Variants in TTYH3 observed in about 807,000 individuals in gnomAD.
The protein encoded by TTYH3 is tweety family member 3, also known as protein tweety homolog 3.
In TTYH3, 23 loss-of-function variants were observed where a neutral mutation model predicts 68.2. The observed-to-expected ratio is 0.34, with a 90% CI of 0.24 to 0.48. The LOEUF (loss-of-function observed/expected upper bound fraction) is 0.48. TTYH3 is among the 20% of genes least tolerant of loss of function. TTYH3 has a pLI of 0.99. For synonymous variants in TTYH3, 360 were observed against 332.8 expected, an observed-to-expected ratio of 1.08 and a Z score of -0.89; for missense variants, 768 against 727.7, an observed-to-expected ratio of 1.06 and a Z score of -0.64.
Position 2,647,218 on chromosome 7 carries a change from C to A in TTYH3, c.370C>A (p.His124Asn), listed in dbSNP as rs1380366741. 8 of 1,602,168 alleles carry A rather than the reference C, an allele frequency of 5.0e-6. No homozygotes were observed. The highest frequency in any genetic ancestry group is 2.2e-5 in the East Asian group (1 of 44,452). ...CCATAGGGCCACCTACTCGCTCCGC[C>A]ACGCCAACCGCACGGTGGCCGGGGT... ...GIHRATYSLRHANRTVAGVQD... is the reference protein window; with the variant it reads ...GIHRATYSLRNANRTVAGVQD... The change falls in exon 3 of 14, where the codon CAC becomes AAC. Residue 124 changes from histidine (H) to asparagine (N), a missense_variant. Coordinates refer to ENST00000258796, the MANE Select transcript of TTYH3 (RefSeq NM_025250.3).
chr7:2,637,832 C>T (rs569920888), intron 1 of TTYH3, among the ~76,000 whole-genome samples: 31 of 152,300 alleles, frequency 2.0e-4, no homozygotes, highest in African/African-American at 7.5e-4. Flanking sequence ...GGGGGCTTCT[C>T]ACAGTCTTGG....
At chr7:2,649,302 G>A (rs1037273581) in intron 5 of TTYH3, among the ~76,000 whole-genome samples, 1 of 152,122 alleles carries the variant, frequency 6.6e-6, no homozygotes, top group Non-Finnish European at 1.5e-5. Flanking sequence ...CTGGGGGACA[G>A]GAGGGGCGGG....
At chr7:2,634,164 G>A (rs1012644772) in intron 1 of TTYH3, among the ~76,000 whole-genome samples, 14 of 152,178 alleles carry the variant, frequency 9.2e-5, no homozygotes, top group African/African-American at 2.4e-4. Flanking sequence ...ATCCCCCGCC[G>A]CCTCCACTCC....
At position 2,661,887 on chromosome 7, in the gene TTYH3, C is replaced by T. The variant is rs1297984787; in HGVS notation, c.*148C>T. ...TGCAGGCCGCTTGCCCTCCTGTCCCCTCCCCGCAGGGGCACAGTGGAGACG... is the reference window on the plus strand; with the variant it reads ...TGCAGGCCGCTTGCCCTCCTGTCCCTTCCCCGCAGGGGCACAGTGGAGACG... On this transcript the variant is annotated 3_prime_UTR_variant, in exon 14 of 14. Coordinates refer to ENST00000258796, the MANE Select transcript of TTYH3 (RefSeq NM_025250.3). 2.4e-6 allele frequency: 2 copies of T among 845,460 alleles called. No homozygotes were observed. Among genetic ancestry groups the T allele is most frequent in the South Asian group, 3.2e-5 (2 of 62,012 alleles). 52.4% of individuals were successfully genotyped at this position (845,460 alleles called of 1,614,324 possible).
At chr7:2,634,354 C>A (rs1019281306) in intron 1 of TTYH3, among the ~76,000 whole-genome samples, 1 of 152,196 alleles carries the variant, frequency 6.6e-6, no homozygotes, top group African/African-American at 2.4e-5. Flanking sequence ...GGGCCAGGAG[C>A]CCCCTTCCTG....
intron 1 of TTYH3, among the ~76,000 whole-genome samples, chr7:2,642,422 G>A (rs1042878449): frequency 1.3e-5 from 2 of 151,206 alleles, no homozygotes; most frequent in Non-Finnish European, 2.9e-5. Context: ...CATGCCTCTA[G>A]TCCCAGCTAC....
At chr7:2,635,075 C>A (rs1785622344) in intron 1 of TTYH3, among the ~76,000 whole-genome samples, 1 of 152,174 alleles carries the variant, frequency 6.6e-6, no homozygotes, top group Non-Finnish European at 1.5e-5. Context: ...GCTGCCTGAG[C>A]ATCTGAGTGA....
intron 2 of TTYH3, 44 bp downstream of exon 2, chr7:2,647,066 C>T (rs1185360300): frequency 5.8e-6 from 5 of 864,734 alleles, no homozygotes; most frequent in South Asian, 1.6e-5. Flanking sequence ...CCAGAGGGGG[C>T]GGCCCGAGGG....
At chr7:2,639,462 C>A (rs1486777915) in intron 1 of TTYH3, among the ~76,000 whole-genome samples, 1 of 152,248 alleles carries the variant, frequency 6.6e-6, no homozygotes, top group Non-Finnish European at 1.5e-5. Flanking sequence ...CCTCCCACAG[C>A]CTCCGAGCTC....
chr7:2,646,813 G>T, intron 1 of TTYH3, 40 bp from the exon 2 acceptor site: 1 of 1,568,678 alleles, frequency 6.4e-7, no homozygotes, highest in African/African-American at 1.3e-5. Context: ...CTCTGAGCTG[G>T]GGGTCCACCC....
At chr7:2,644,704 G>T (rs1785935477) in intron 1 of TTYH3, among the ~76,000 whole-genome samples, 1 of 152,210 alleles carries the variant, frequency 6.6e-6, no homozygotes, top group Non-Finnish European at 1.5e-5. Context: ...ATTGCTGGCT[G>T]CTGGGCAGCC....
chr7:2,658,295 T>A lies in TTYH3; in HGVS notation c.1260T>A (p.Asp420Glu). ...GTGTCCCTCCTCACAGAGGCCCTGA[T>A]GAGGACGGGGAGGAGGAGGCCGCTC... ...PHTWQQKRGP[D>E]EDGEEEAAPG... The change falls in exon 12 of 14, where the codon GAT becomes GAA. Residue 420 changes from aspartate (D) to glutamate (E), a missense_variant. By Grantham distance (45) the Asp-to-Glu change is conservative. Transcript: ENST00000258796. The A allele has an allele frequency of 6.3e-7, 1 of 1,579,278 alleles. No homozygotes were observed. Among genetic ancestry groups the A allele is most frequent in the East Asian group, 2.3e-5 (1 of 43,908 alleles).
intron 8 of TTYH3, 104 bp from the exon 9 acceptor site, chr7:2,652,814 C>T (rs537657082): frequency 1.1e-5 from 10 of 910,348 alleles, no homozygotes; most frequent in Non-Finnish European, 1.7e-5. Flanking sequence ...TGATGGTCTC[C>T]CAGGCTGGAC....
In TTYH3 at chr7:2,656,390, G is replaced by A. The variant is rs1562718659; in HGVS notation, c.1114-8G>A. Reference sequence around the variant, plus strand: ...TCTGGATCCTGCCATCTCATCCCACGGCCTCAGGACTACGTGCAAGCGCTG... The same window carrying A: ...TCTGGATCCTGCCATCTCATCCCACAGCCTCAGGACTACGTGCAAGCGCTG... On this transcript the variant is annotated splice_polypyrimidine_tract_variant and splice_region_variant and intron_variant, in intron 10 of 13. Coordinates refer to ENST00000258796, the MANE Select transcript of TTYH3 (RefSeq NM_025250.3). 1.2e-6 allele frequency: 2 copies of A among 1,605,210 alleles called. No homozygotes were observed. The highest frequency in any genetic ancestry group is 1.7e-6 in the Non-Finnish European group (2 of 1,176,680).
chr7:2,649,762 A>T, intron 6 of TTYH3, 123 bp downstream of exon 6: 2 of 1,437,140 alleles, frequency 1.4e-6, no homozygotes, highest in Non-Finnish European at 1.9e-6. Flanking sequence ...AGCGGTGGGG[A>T]CCCACCATGG....
chr7:2,655,442 G>C (rs772838532), intron 9 of TTYH3, among the ~76,000 whole-genome samples: 1 of 152,162 alleles, frequency 6.6e-6, no homozygotes. Flanking sequence ...CACCGCTCCC[G>C]GCCCCAAAAT....
rs960285359 is a variant in TTYH3, at chr7:2,645,810, C to G, written c.124-1043C>G. 2.1e-6 allele frequency: 1 copy of G among 470,984 alleles called. No individual in the cohort carries two copies. Among genetic ancestry groups the G allele is most frequent in the Admixed American group, 2.3e-5 (1 of 42,584 alleles). 29.2% of individuals were successfully genotyped at this position (470,984 alleles called of 1,614,324 possible). On this transcript the variant is annotated intron_variant, in intron 1 of 13. Transcript: ENST00000258796. This position sits in a 1 kb window ranked among gnomAD's most constrained non-coding sequence, Gnocchi z 4.8. ...GTCAGCAAGAGGGGGTTCAGTCCCC[C>G]ACAGGCTCCCAATTTCCCTACCAGA... is the stretch of plus-strand genomic sequence containing the variant.
At chr7:2,655,470 T>C (rs1031058956) in intron 9 of TTYH3, among the ~76,000 whole-genome samples, 1 of 152,200 alleles carries the variant, frequency 6.6e-6, no homozygotes, top group South Asian at 2.1e-4. Context: ...AGGATTGTAG[T>C]GGGTCCTTAG....
At chr7:2,649,064 G>T (rs1786087197) in intron 5 of TTYH3, among the ~76,000 whole-genome samples, 1 of 152,064 alleles carries the variant, frequency 6.6e-6, no homozygotes, top group African/African-American at 2.4e-5. Flanking sequence ...TGCACAGGAG[G>T]CCTGTGTATC....
Sources: allele counts gnomAD v4.1 joint callset (sites outside exome capture counted in the v4.1 genomes callset), GRCh38; gene constraint gnomAD v4.1.1; non-coding constraint Gnocchi (gnomAD v3.1); transcripts MANE v1.5; gene names NCBI Gene and HGNC (gene_info 2026-07-23, HGNC 2026-07-21).